Variants in TRAPPC6B observed in about 807,000 individuals in gnomAD.
TRAPPC6B encodes trafficking protein particle complex subunit 6B, also known as TRAPP complex subunit 6B.
In TRAPPC6B, 27 loss-of-function variants were observed where a neutral mutation model predicts 24.7. The observed-to-expected ratio is 1.09, with a 90% CI of 0.81 to 1.51. TRAPPC6B has a LOEUF of 1.51. Ranked by LOEUF, TRAPPC6B falls within the 40% of genes most tolerant of loss-of-function variation. The probability of loss-of-function intolerance (pLI) is 0.00; values close to 1 mark genes in which losing one functional copy is unlikely to be tolerated. For missense variants in TRAPPC6B, 212 were observed against 190.8 expected, an observed-to-expected ratio of 1.11 and a Z score of -0.66; for synonymous variants, 80 against 66.6, an observed-to-expected ratio of 1.20 and a Z score of -0.98.
At position 39,149,764 on chromosome 14, in the gene TRAPPC6B, A is replaced by C. The variant is rs1450021190; in HGVS notation, c.*586T>G. On this transcript the variant is annotated 3_prime_UTR_variant, in exon 6 of 6. Transcript: ENST00000330149. ...TCTATATTTCATTTTGATTACATTA[A>C]TGGAGCTCTGAAGGAATGAAACCTA... 1 of 152,218 alleles carries C rather than the reference A, an allele frequency of 6.6e-6. No individual in the cohort carries two copies. The highest frequency in any genetic ancestry group is 1.5e-5 in the Non-Finnish European group (1 of 68,054). 9.4% of individuals were successfully genotyped at this position (152,218 alleles called of 1,614,324 possible). A position where few individuals can be genotyped will look rare whatever the true frequency, so the allele number is the denominator to read the frequency against.
intron 1 of TRAPPC6B, among the ~76,000 whole-genome samples, chr14:39,159,867 G>C (rs2139384161): frequency 6.6e-6 from 1 of 152,108 alleles, no homozygotes; most frequent in African/African-American, 2.4e-5. Context: ...CTGTCATCCA[G>C]GCTGCAGTAC....
At chr14:39,160,656 G>GA (rs551490524) in intron 1 of TRAPPC6B, among the ~76,000 whole-genome samples, 184 of 151,856 alleles carry the variant, frequency 1.2e-3, no homozygotes, top group African/African-American at 4.3e-3. Flanking sequence ...GAGAAAGAGA[G>GA]AGAGAAAGAG....
chr14:39,161,283 T>C (rs1434250188), intron 1 of TRAPPC6B, among the ~76,000 whole-genome samples: 1 of 152,208 alleles, frequency 6.6e-6, no homozygotes, highest in Non-Finnish European at 1.5e-5. Flanking sequence ...ACCAGTTATA[T>C]TGCAAAAGGA....
Position 39,149,701 on chromosome 14 carries a change from C to A in TRAPPC6B, c.*649G>T, listed in dbSNP as rs575925092. 6.6e-6 allele frequency: 1 copy of A among 152,266 alleles called. No individual in the cohort carries two copies. The highest frequency in any genetic ancestry group is 2.1e-4 in the South Asian group (1 of 4,824). The allele number at this position is 152,266 out of a possible 1,614,324, so 9.4% of individuals were successfully genotyped here. A position where few individuals can be genotyped will look rare whatever the true frequency, so the allele number is the denominator to read the frequency against. On this transcript the variant is annotated 3_prime_UTR_variant, in exon 6 of 6. Coordinates refer to ENST00000330149, the MANE Select transcript of TRAPPC6B (RefSeq NM_001079537.2). ...ATTCTTTCCAAACATACCTAATATT[C>A]TTTGGCCCTAGAGTCACTGAATTCA...
intron 1 of TRAPPC6B, among the ~76,000 whole-genome samples, chr14:39,162,832 T>C (rs1370395380): frequency 6.6e-6 from 1 of 152,130 alleles, no homozygotes; most frequent in Non-Finnish European, 1.5e-5. Flanking sequence ...TGATGGACTG[T>C]CCTCTACAAT....
intron 5 of TRAPPC6B, 68 bp downstream of exon 5, chr14:39,151,678 A>G: frequency 8.5e-7 from 1 of 1,176,200 alleles, no homozygotes; most frequent in South Asian, 1.4e-5. Flanking sequence ...TCTCAGTTAA[A>G]TTAAAAAAAA....
intron 4 of TRAPPC6B, 79 bp from the exon 5 acceptor site, chr14:39,151,918 A>T (rs1344262524): frequency 1.1e-6 from 1 of 931,966 alleles, no homozygotes; most frequent in Non-Finnish European, 1.6e-6. Context: ...ACATTACATG[A>T]TTTATCATCA....
intron 3 of TRAPPC6B, 36 bp from the exon 4 acceptor site, chr14:39,154,330 G>A (rs767178859): frequency 8.7e-7 from 1 of 1,152,594 alleles, no homozygotes; most frequent in South Asian, 1.3e-5. Flanking sequence ...CAAAGTCAAT[G>A]TACCTAGCAG....
chr14:39,159,564 C>A lies in TRAPPC6B; in HGVS notation c.82-14G>T. 1.3e-6 allele frequency: 2 copies of A among 1,589,954 alleles called. No individual in the cohort carries two copies. Among genetic ancestry groups the A allele is most frequent in the Non-Finnish European group, 8.6e-7 (1 of 1,164,544 alleles). On this transcript the variant is annotated splice_polypyrimidine_tract_variant and intron_variant, in intron 1 of 5. Transcript: ENST00000330149. The stretch of plus-strand genomic sequence containing the variant: ...TCGTCCGTTTTCCTATTTTAAAAAA[C>A]AATAGTTTTAAATACTTTTAGAATG...
At chr14:39,159,209 G>T in intron 2 of TRAPPC6B, 1 of 190,784 alleles carries the variant, frequency 5.2e-6, no homozygotes, top group Non-Finnish European at 1.1e-5. Context: ...ATTTTAGATA[G>T]TTGCTTCAAT....
At chr14:39,150,427 A>G in intron 5 of TRAPPC6B, 46 bp from the exon 6 acceptor site, 1 of 1,311,414 alleles carries the variant, frequency 7.6e-7, no homozygotes, top group African/African-American at 1.5e-5. Flanking sequence ...GATACAAAGA[A>G]AACAAGTCTA....
chr14:39,170,150 G>A lies in TRAPPC6B; in HGVS notation c.-55C>T. The A allele has an allele frequency of 1.3e-6, 2 of 1,573,462 alleles. No individual in the cohort carries two copies. Among genetic ancestry groups the A allele is most frequent in the Non-Finnish European group, 1.7e-6 (2 of 1,148,746 alleles). On this transcript the variant is annotated 5_prime_UTR_variant, in exon 1 of 6. Coordinates refer to ENST00000330149, the MANE Select transcript of TRAPPC6B (RefSeq NM_001079537.2). ...TTGGCTCCCGTTTGAGCTGGTCTGG[G>A]GGTTCCAGCTCGCGCCTCAGCGACT...
chr14:39,165,267 G>C (rs533345743), intron 1 of TRAPPC6B, among the ~76,000 whole-genome samples: 6 of 152,172 alleles, frequency 3.9e-5, no homozygotes, highest in African/African-American at 1.2e-4. Context: ...GGACGGTCTC[G>C]ATCTCCTGAC....
In TRAPPC6B at chr14:39,163,743, C is replaced by A. The variant is rs573044600; in HGVS notation, c.82-4193G>T. Among the ~76,000 whole-genome samples, 6 of 151,078 alleles carry A rather than the reference C, an allele frequency of 4.0e-5. No homozygotes were observed. In the South Asian group the frequency reaches 8.3e-4, roughly 21 times the overall value. ...TTTGCTAAACTTTCTTCTAAGGAAC[C>A]ATGCACTCTGCTTATGGTGCTGTGA... On this transcript the variant is annotated intron_variant, in intron 1 of 5. Coordinates refer to ENST00000330149, the MANE Select transcript of TRAPPC6B (RefSeq NM_001079537.2).
rs909089647 is a variant in TRAPPC6B, at chr14:39,158,337, A to G, written c.215T>C (p.Phe72Ser). 1.2e-5 allele frequency: 19 copies of G among 1,604,092 alleles called. No individual in the cohort carries two copies. Among genetic ancestry groups the G allele is most frequent in the African/African-American group, 2.7e-5 (2 of 74,400 alleles). Residue 72 changes from phenylalanine to serine, a missense_variant, in exon 3 of 6, where the codon TTT becomes TCT. Coordinates refer to ENST00000330149, the MANE Select transcript of TRAPPC6B (RefSeq NM_001079537.2). ...LDIMKFICKD[F>S]WTTVFKKQID... ...TTGTTTCTTGAATACCGTAGTCCAA[A>G]AATCTTTACAAATGAACTTCATGAT...
At chr14:39,150,938 G>T (rs1283284414) in intron 5 of TRAPPC6B, among the ~76,000 whole-genome samples, 2 of 152,056 alleles carry the variant, frequency 1.3e-5, no homozygotes, top group Non-Finnish European at 2.9e-5. Flanking sequence ...CATGGCTAAT[G>T]ATCATTGTAA....
intron 2 of TRAPPC6B, 39 bp from the exon 3 acceptor site, chr14:39,158,441 C>T (rs1466449300): frequency 8.3e-7 from 1 of 1,198,426 alleles, no homozygotes; most frequent in Non-Finnish European, 1.2e-6. Context: ...TATTTCTCCT[C>T]CAAAAAAAGC....
At chr14:39,153,862 G>A (rs566624750) in intron 4 of TRAPPC6B, among the ~76,000 whole-genome samples, 11 of 151,934 alleles carry the variant, frequency 7.2e-5, no homozygotes, top group South Asian at 2.1e-4. Flanking sequence ...TCGCCAGAAC[G>A]TCCAGCTATT....
intron 1 of TRAPPC6B, among the ~76,000 whole-genome samples, chr14:39,165,282 T>A (rs1027196254): frequency 6.6e-6 from 1 of 152,150 alleles, no homozygotes; most frequent in Non-Finnish European, 1.5e-5. Flanking sequence ...CCTGACCTTG[T>A]GATCCGCCCG....
Sources: allele counts gnomAD v4.1 joint callset (sites outside exome capture counted in the v4.1 genomes callset), GRCh38; gene constraint gnomAD v4.1.1; transcripts MANE v1.5; gene names NCBI Gene and HGNC (gene_info 2026-07-23, HGNC 2026-07-21).